Variants in ULK1 observed in about 807,000 individuals in gnomAD.
The protein encoded by ULK1 is unc-51 like autophagy activating kinase 1, also known as serine/threonine-protein kinase ULK1.
A neutral mutation model predicts 117.5 loss-of-function variants in ULK1; 48 were observed. The ratio of observed to expected loss-of-function variants is 0.41; its 90% confidence interval spans 0.32 to 0.52. The LOEUF is 0.52. ULK1 is among the 20% of genes least tolerant of loss of function. The probability of loss-of-function intolerance (pLI) is 0.29; values close to 1 mark genes in which losing one functional copy is unlikely to be tolerated. For synonymous variants in ULK1, 790 were observed against 637.8 expected (o/e 1.24, Z -3.60); for missense variants, 1,387 against 1,473.4 (o/e 0.94, Z 0.96).
chr12:131,909,399 G>C, intron 8 of ULK1, among the ~76,000 whole-genome samples, 162 bp downstream of exon 8: 1 of 152,202 alleles, frequency 6.6e-6, no homozygotes, highest in Non-Finnish European at 1.5e-5. Context: ...AGGGGCCTCG[G>C]TGTCCCCCAG....
rs1209704209 is a variant in ULK1 at position 131,902,197 on chromosome 12, C to T, written c.247-4695C>T. Among the ~76,000 whole-genome samples the T allele has an allele frequency of 1.3e-5, 2 of 152,136 alleles. No homozygotes were observed. Among genetic ancestry groups the T allele is most frequent in the Admixed American group, 1.3e-4 (2 of 15,278 alleles). ...TCCCTTTTGGGAGCTGTCCAGGAGC[C>T]CCGCCTGGGGGTGCAGAGTGGTTCT... On this transcript the variant is annotated intron_variant, in intron 3 of 27. Coordinates refer to ENST00000321867, the MANE Select transcript of ULK1 (RefSeq NM_003565.4). The surrounding 1 kb of genome is among the most constrained non-coding windows in gnomAD (Gnocchi z 6.3).
intron 13 of ULK1, among the ~76,000 whole-genome samples, chr12:131,912,833 G>C (rs1361310081): frequency 6.6e-6 from 1 of 152,200 alleles, no homozygotes; most frequent in Non-Finnish European, 1.5e-5. Flanking sequence ...GGTATTCCTG[G>C]AGGGGGTTGG....
intron 11 of ULK1, 51 bp downstream of exon 11, chr12:131,910,355 TC>T: frequency 6.2e-7 from 1 of 1,610,040 alleles, no homozygotes; most frequent in East Asian, 2.2e-5. Flanking sequence ...ATGCACCCCT[TC>T]CTCCCCGGGT....
Position 131,921,623 on chromosome 12 carries a change from CAGCAGG to C in ULK1, c.*263_*268del. ...TTTCTGCCCCTCCAGCTGCCTGGCT[CAGCAGG>C]CGTGGGTGCCACCACCCTCTAGCCC... On this transcript the variant is annotated 3_prime_UTR_variant, in exon 28 of 28. Transcript: ENST00000321867. 3.2e-6 allele frequency: 2 copies of C among 625,832 alleles called. No individual in the cohort carries two copies. Among genetic ancestry groups the C allele is most frequent in the East Asian group, 5.5e-5 (2 of 36,324 alleles). 38.8% of individuals were successfully genotyped at this position (625,832 alleles called of 1,614,324 possible).
At position 131,916,948 on chromosome 12, in the gene ULK1, C is replaced by T. The variant is rs548300646; in HGVS notation, c.2073-5C>T. The T allele has an allele frequency of 6.2e-7, 1 of 1,609,222 alleles. No homozygotes were observed. The highest frequency in any genetic ancestry group is 1.1e-5 in the South Asian group (1 of 90,576). On this transcript the variant is annotated splice_polypyrimidine_tract_variant and splice_region_variant and intron_variant, in intron 20 of 27. Transcript: ENST00000321867. ...CACCCAGCACAGCCCTGCACACTCCCACAGGTCTTTCAGCACCAGCCGCCT... is the reference window on the plus strand; with the variant it reads ...CACCCAGCACAGCCCTGCACACTCCTACAGGTCTTTCAGCACCAGCCGCCT...
intron 15 of ULK1, 39 bp from the exon 16 acceptor site, chr12:131,914,313 C>T: frequency 6.2e-7 from 1 of 1,600,040 alleles, no homozygotes; most frequent in Non-Finnish European, 8.5e-7. Flanking sequence ...CTCTTGTGAC[C>T]CCAGTGTCTG....
At chr12:131,919,813 C>A (rs1038187630) in intron 25 of ULK1, 166 bp from the exon 26 acceptor site, 31 of 1,155,996 alleles carry the variant, frequency 2.7e-5, no homozygotes, top group Non-Finnish European at 3.7e-5. Context: ...TCGGATGGCA[C>A]CCGGGACAAG....
At chr12:131,911,395 A>G (rs1345619315) in intron 12 of ULK1, among the ~76,000 whole-genome samples, 1 of 152,182 alleles carries the variant, frequency 6.6e-6, no homozygotes, top group African/African-American at 2.4e-5. Flanking sequence ...CCGAAAGCTC[A>G]GATGTGGCGA....
rs1174382846 is a variant in ULK1 at position 131,909,198 on chromosome 12, C to T, written c.627C>T (p.Thr209=). 1 of 1,609,638 alleles carries T rather than the reference C, an allele frequency of 6.2e-7. No individual in the cohort carries two copies. Among genetic ancestry groups the T allele is most frequent in the Non-Finnish European group, 8.5e-7 (1 of 1,178,504 alleles). The change falls in exon 8 of 28, where the codon ACC becomes ACT. Residue 209 remains threonine, a synonymous_variant. Coordinates refer to ENST00000321867, the MANE Select transcript of ULK1 (RefSeq NM_003565.4). ...DGKADLWSIG[T]IVYQCLTGKA... ...AGGCGGACCTGTGGAGCATCGGCAC[C>T]ATCGTCTACCAGTGCCTGACGGGGA... is the stretch of plus-strand genomic sequence containing the variant.
At position 131,917,082 on chromosome 12, in the gene ULK1, T is replaced by A; in HGVS notation, c.2182+20T>A. 1.4e-6 allele frequency: 2 copies of A among 1,464,448 alleles called. No homozygotes were observed. The highest frequency in any genetic ancestry group is 1.5e-5 in the African/African-American group (1 of 64,536). 90.7% of individuals were successfully genotyped at this position (1,464,448 alleles called of 1,614,324 possible). ...AGATCGGTGTGTGGGTGGGTGGGGC[T>A]CGGAGGCTGTGGGATGGGGGTCGGA... On this transcript the variant is annotated intron_variant, in intron 21 of 27. Coordinates refer to ENST00000321867, the MANE Select transcript of ULK1 (RefSeq NM_003565.4).
At chr12:131,897,311 G>A (rs1359699761) in intron 3 of ULK1, 1 of 152,196 alleles carries the variant, frequency 6.6e-6, no homozygotes, top group Non-Finnish European at 1.5e-5. Context: ...GACAATGAAC[G>A]ATTTGGGTGA....
rs1889148859 is a variant in ULK1, at chr12:131,903,108, G to A, written c.247-3784G>A. 6.6e-6 allele frequency among the ~76,000 whole-genome samples: 1 copy of A among 152,116 alleles called. No individual in the cohort carries two copies. Among genetic ancestry groups the A allele is most frequent in the Non-Finnish European group, 1.5e-5 (1 of 68,014 alleles). On this transcript the variant is annotated intron_variant, in intron 3 of 27. Transcript: ENST00000321867. This position sits in a 1 kb window ranked among gnomAD's most constrained non-coding sequence, Gnocchi z 6.0. ...CCCCTCAAGAGCCCTAGAGAGAGTC[G>A]CTGCCTGTGGGAAGGGTGGACAGGC...
chr12:131,910,903 G>T, intron 12 of ULK1, 103 bp downstream of exon 12: 1 of 1,528,784 alleles, frequency 6.5e-7, no homozygotes, highest in Non-Finnish European at 8.8e-7. Context: ...TCTGTTGTCT[G>T]TGTGAGTCAC....
chr12:131,911,922 GC>G lies in ULK1; in HGVS notation c.949-16del. On this transcript the variant is annotated intron_variant, in intron 12 of 27. Coordinates refer to ENST00000321867, the MANE Select transcript of ULK1 (RefSeq NM_003565.4). ...GTAGGTCCCTGAGACCTGCTCACCAGCCCCTCCGTTGACTCTCAGTCCCTGG... is the reference window on the plus strand; with the variant it reads ...GTAGGTCCCTGAGACCTGCTCACCAGCCCTCCGTTGACTCTCAGTCCCTGG... 2.5e-6 allele frequency: 4 copies of G among 1,612,614 alleles called. No individual in the cohort carries two copies. The highest frequency in any genetic ancestry group is 3.4e-6 in the Non-Finnish European group (4 of 1,179,904).
Position 131,900,096 on chromosome 12 carries a change from G to A in ULK1, c.246+4272G>A, listed in dbSNP as rs925674838. On this transcript the variant is annotated intron_variant, in intron 3 of 27. Transcript: ENST00000321867. ...TGCGCCGCTGCACTCCAGCCTGGGC[G>A]ACAGAGTGAAACTCTCTCAAAAAAA... Among the ~76,000 whole-genome samples, 15 of 143,106 alleles carry A rather than the reference G, an allele frequency of 1.0e-4. No individual in the cohort carries two copies. In the East Asian group the frequency reaches 2.2e-3, roughly 21 times the overall value. The allele number at this position is 143,106 out of a possible 152,430, so 93.9% of individuals were successfully genotyped here.
At chr12:131,909,865 C>A in intron 9 of ULK1, 32 bp downstream of exon 9, 2 of 1,610,658 alleles carry the variant, frequency 1.2e-6, no homozygotes, top group African/African-American at 2.7e-5. Flanking sequence ...CTTCCCTTCC[C>A]CCGCGGGCTC....
At chr12:131,895,479 C>A in intron 1 of ULK1, 122 bp from the exon 2 acceptor site, 2 of 806,400 alleles carry the variant, frequency 2.5e-6, no homozygotes, top group Non-Finnish European at 2.0e-6. Flanking sequence ...GCTCCCCACT[C>A]GGCCTTCCAG....
chr12:131,912,348 T>C (rs1889577212), intron 13 of ULK1, among the ~76,000 whole-genome samples: 1 of 152,198 alleles, frequency 6.6e-6, no homozygotes, highest in African/African-American at 2.4e-5. Flanking sequence ...AGTGCTGCTC[T>C]TCGGATGGGT....
intron 10 of ULK1, 87 bp from the exon 11 acceptor site, chr12:131,910,167 G>A (rs1297888012): frequency 1.2e-5 from 19 of 1,589,446 alleles, no homozygotes; most frequent in Admixed American, 8.3e-5. Flanking sequence ...GGTGCCCAAC[G>A]CGGCTGGAGC....
Sources: allele counts gnomAD v4.1 joint callset (sites outside exome capture counted in the v4.1 genomes callset), GRCh38; gene constraint gnomAD v4.1.1; non-coding constraint Gnocchi (gnomAD v3.1); transcripts MANE v1.5; gene names NCBI Gene and HGNC (gene_info 2026-07-23, HGNC 2026-07-21).